DOP1B: variants seen among roughly 807,000 people sequenced by gnomAD.
The protein encoded by DOP1B is DOP1 leucine zipper like protein B, also known as protein DOP1B.
DOP1B carries 174 observed loss-of-function variants against 233.5 expected under a neutral mutation model. The ratio of observed to expected loss-of-function variants is 0.75; its 90% CI spans 0.66 to 0.85. The LOEUF is 0.85. DOP1B is among the 40% of genes least tolerant of loss of function. The pLI is 0.00. For missense variants in DOP1B, 2,652 were observed against 2,846.6 expected, an observed-to-expected ratio of 0.93 and a Z score of 1.56; for synonymous variants, 1,190 against 1,185.6, an observed-to-expected ratio of 1.00 and a Z score of -0.08.
intron 9 of DOP1B, among the ~76,000 whole-genome samples, chr21:36,218,968 T>G (rs966272056): frequency 6.6e-6 from 1 of 152,244 alleles, no homozygotes; most frequent in African/African-American, 2.4e-5. Context: ...GCCAGCAGTT[T>G]ATGCACACTT....
At position 36,247,189 on chromosome 21, in the gene DOP1B, A is replaced by G. The variant is rs188578129; in HGVS notation, c.4698-328A>G. Among the ~76,000 whole-genome samples, 295 of 152,202 alleles carry G rather than the reference A, an allele frequency of 1.9e-3. 1 individual carries two copies. The highest frequency in any genetic ancestry group is 6.8e-3 in the Middle Eastern group (2 of 294). ...CCACTGCGCCCAGCCCTGATCCTTT[A>G]TTTCAAATCCGCACAGGTACCCAGT... On this transcript the variant is annotated intron_variant, in intron 19 of 36. Transcript: ENST00000691173.
chr21:36,161,584 G>T (rs187789488), intron 1 of DOP1B, among the ~76,000 whole-genome samples: 1 of 152,266 alleles, frequency 6.6e-6, no homozygotes, highest in East Asian at 1.9e-4. Context: ...AACCTCCGGG[G>T]CAGAAGCAAT....
chr21:36,231,214 A>T lies in DOP1B; in HGVS notation c.2350+80A>T, dbSNP rs986409651. On this transcript the variant is annotated intron_variant, in intron 14 of 36. Coordinates refer to ENST00000691173, the MANE Select transcript of DOP1B (RefSeq NM_001320714.2). The stretch of plus-strand genomic sequence containing the variant: ...GACGTGGGTGGAATATCCCCTATCC[A>T]CAATGCTAGGGACCAAATGTATTTT... 40 of 1,475,326 alleles carry T rather than the reference A, an allele frequency of 2.7e-5. No individual in the cohort carries two copies. The African/African-American group carries it at 5.1e-4, about 19-fold the overall frequency. The allele number at this position is 1,475,326 out of a possible 1,614,324, so 91.4% of individuals were successfully genotyped here. A position where few individuals can be genotyped will look rare whatever the true frequency, so the allele number is the denominator to read the frequency against.
intron 2 of DOP1B, among the ~76,000 whole-genome samples, chr21:36,170,777 G>A (rs1011974312): frequency 2.0e-5 from 3 of 150,682 alleles, no homozygotes; most frequent in African/African-American, 4.9e-5. Context: ...ACGTAGTGCT[G>A]AGTGACAGAA....
chr21:36,169,512 TG>T, intron 2 of DOP1B: 1 of 1,120,510 alleles, frequency 8.9e-7, no homozygotes, highest in Non-Finnish European at 1.3e-6. Flanking sequence ...CCTTTGCCCT[TG>T]GTCACCCCGA....
At chr21:36,256,747 A>T (rs1209425742) in intron 23 of DOP1B, among the ~76,000 whole-genome samples, 1 of 150,878 alleles carries the variant, frequency 6.6e-6, no homozygotes, top group Non-Finnish European at 1.5e-5. Context: ...AAGAGGACTA[A>T]CACAGTTCTA....
In DOP1B at chr21:36,223,362, G is replaced by A; in HGVS notation, c.1370+12G>A. 1.2e-6 allele frequency: 2 copies of A among 1,603,368 alleles called. No individual in the cohort carries two copies. Among genetic ancestry groups the A allele is most frequent in the East Asian group, 2.3e-5 (1 of 44,300 alleles). ...GAGGAATGCTTTAGGTAAGTATGCA[G>A]TTCAAGAATGCAGAATATTTAGGAA... is the stretch of plus-strand genomic sequence containing the variant. On this transcript the variant is annotated intron_variant, in intron 11 of 36. Coordinates refer to ENST00000691173, the MANE Select transcript of DOP1B (RefSeq NM_001320714.2).
At chr21:36,199,992 G>A (rs777595250) in intron 3 of DOP1B, among the ~76,000 whole-genome samples, 3 of 152,144 alleles carry the variant, frequency 2.0e-5, no homozygotes, top group Non-Finnish European at 2.9e-5. Flanking sequence ...TCTAGTTCTA[G>A]ATCCTTGAGG....
At chr21:36,277,575 C>T (rs1379982797) in intron 28 of DOP1B, among the ~76,000 whole-genome samples, 1 of 152,164 alleles carries the variant, frequency 6.6e-6, no homozygotes, top group African/African-American at 2.4e-5. Flanking sequence ...CCCACCGCTC[C>T]CAGCCATAAC....
rs56725433 is a variant in DOP1B at position 36,204,658 on chromosome 21, A to ATTTTTTTTTTT, written c.492-4051_492-4041dup. Among the ~76,000 whole-genome samples, 124 of 115,162 alleles carry ATTTTTTTTTTT rather than the reference A, an allele frequency of 1.1e-3. 5 individuals carry two copies. Among genetic ancestry groups the ATTTTTTTTTTT allele is most frequent in the East Asian group, 1.7e-3 (7 of 4,190 alleles). The allele number at this position is 115,162 out of a possible 152,430, so 75.6% of individuals were successfully genotyped here. On this transcript the variant is annotated intron_variant, in intron 4 of 36. Transcript: ENST00000691173. ...GCCACCCCTTTTGGCTGACATTTCT[A>ATTTTTTTTTTT]TTTTTTTTTTTTTTTTGAGACAGTC... is the stretch of plus-strand genomic sequence containing the variant.
At chr21:36,253,221 G>A (rs2067051951) in intron 22 of DOP1B, among the ~76,000 whole-genome samples, 1 of 152,148 alleles carries the variant, frequency 6.6e-6, no homozygotes, top group Non-Finnish European at 1.5e-5. Flanking sequence ...TTTACTTCCT[G>A]TCTTCGTATT....
intron 2 of DOP1B, among the ~76,000 whole-genome samples, chr21:36,193,467 G>A (rs879828113): frequency 6.6e-6 from 1 of 152,112 alleles, no homozygotes; most frequent in Non-Finnish European, 1.5e-5. Context: ...GTCACAGGGC[G>A]TTCAGGGGAG....
intron 32 of DOP1B, among the ~76,000 whole-genome samples, chr21:36,283,936 CTTTTTTTTTTTTTTT>C: frequency 9.9e-6 from 1 of 100,998 alleles, no homozygotes; most frequent in South Asian, 3.7e-4. Context: ...ACACCTGTTC[CTTTTTTTTTTTTTTT>C]TTTTTTTTTC....
chr21:36,238,619 C>G lies in DOP1B; in HGVS notation c.2794C>G (p.Leu932Val), dbSNP rs553428555. The change falls in exon 17 of 37, where the codon CTG (leucine) becomes GTG (valine). Residue 932 changes from leucine to valine, a missense_variant. By Grantham distance (32) the Leu-to-Val change is conservative (BLOSUM62 1). This residue lies in a region of DOP1B where 2,617 missense variants were observed against 2,794.3 expected (regional missense o/e 0.94). Coordinates refer to ENST00000691173, the MANE Select transcript of DOP1B (RefSeq NM_001320714.2). ...DPDKGTRLEALFRFSVIWHLT... is the reference protein window; with the variant it reads ...DPDKGTRLEAVFRFSVIWHLT... ...CATCAAGGGAACAAGGCTGGAAGCT[C>G]TGTTTAGATTTTCCGTGATCTGGCA... 6.2e-6 allele frequency: 10 copies of G among 1,614,224 alleles called. No homozygotes were observed. Among genetic ancestry groups the G allele is most frequent in the Middle Eastern group, 1.6e-4 (1 of 6,062 alleles).
intron 1 of DOP1B, among the ~76,000 whole-genome samples, chr21:36,161,086 G>A (rs928194682): frequency 6.6e-6 from 1 of 152,138 alleles, no homozygotes; most frequent in Non-Finnish European, 1.5e-5. Flanking sequence ...GGAAAAGATG[G>A]GAGAAGGAGC....
intron 26 of DOP1B, among the ~76,000 whole-genome samples, chr21:36,266,695 A>G (rs2067234012): frequency 6.6e-6 from 1 of 152,134 alleles, no homozygotes; most frequent in Non-Finnish European, 1.5e-5. Flanking sequence ...GTCATTGGTG[A>G]TCAATTTAAC....
At chr21:36,262,630 G>A (rs1003031350) in intron 24 of DOP1B, among the ~76,000 whole-genome samples, 7 of 152,090 alleles carry the variant, frequency 4.6e-5, no homozygotes, top group East Asian at 1.9e-4. Flanking sequence ...GCTCACGCTT[G>A]TAATCCCAGC....
At chr21:36,238,194 A>G (rs1182268114) in intron 16 of DOP1B, among the ~76,000 whole-genome samples, 21 of 152,176 alleles carry the variant, frequency 1.4e-4, no homozygotes, top group Non-Finnish European at 2.9e-4. Context: ...AAATAATAAT[A>G]AACCAATTTT....
chr21:36,172,967 A>G (rs944251430), intron 2 of DOP1B, among the ~76,000 whole-genome samples: 4 of 151,976 alleles, frequency 2.6e-5, no homozygotes, highest in Non-Finnish European at 4.4e-5. Flanking sequence ...AAAAATAAAA[A>G]AAATTAGCCA....
Sources: gnomAD v4.1 joint callset for allele counts (sites outside exome capture counted in the v4.1 genomes callset) on GRCh38, gnomAD v4.1.1 for gene constraint, gnomAD v4.1.1 regional missense constraint, MANE v1.5 for transcripts, NCBI Gene and HGNC (gene_info 2026-07-23, HGNC 2026-07-21) for gene names.